The following NELL2 variants were observed in gnomAD, a reference collection of about 807,000 sequenced individuals.
NELL2 encodes the protein protein kinase C-binding protein NELL2.
NELL2 carries 41 observed loss-of-function variants against 109.6 expected under a neutral mutation model. The ratio of observed to expected loss-of-function variants is 0.37; its 90% CI spans 0.29 to 0.49. The LOEUF (loss-of-function observed/expected upper bound fraction) is 0.49. Among genes scored for constraint, NELL2 ranks in the 20% least tolerant of loss-of-function variants. The pLI is 0.98. For missense variants in NELL2, 900 were observed against 1,008.3 expected, an observed-to-expected ratio of 0.89 and a Z score of 1.45; for synonymous variants, 355 against 344.7, an observed-to-expected ratio of 1.03 and a Z score of -0.33.
intron 2 of NELL2, among the ~76,000 whole-genome samples, chr12:44,834,274 A>C (rs1202117677): frequency 6.6e-6 from 1 of 152,024 alleles, no homozygotes; most frequent in African/African-American, 2.4e-5. Flanking sequence ...CACATACTCT[A>C]ATTTTGTTTT....
chr12:44,525,695 C>A (rs574073209), intron 16 of NELL2, among the ~76,000 whole-genome samples: 1 of 152,128 alleles, frequency 6.6e-6, no homozygotes, highest in Non-Finnish European at 1.5e-5. Context: ...CTTTAGTGAG[C>A]GATTATTGAA....
At chr12:44,522,390 T>C (rs1374845762) in intron 17 of NELL2, among the ~76,000 whole-genome samples, 1 of 152,148 alleles carries the variant, frequency 6.6e-6, no homozygotes, top group Non-Finnish European at 1.5e-5. Context: ...TTCCACATAC[T>C]ACTCCTCAAA....
At chr12:44,793,623 T>G (rs1445801855) in intron 3 of NELL2, among the ~76,000 whole-genome samples, 1 of 152,196 alleles carries the variant, frequency 6.6e-6, no homozygotes, top group Non-Finnish European at 1.5e-5. Flanking sequence ...GTTAAATTAC[T>G]TCAGCAAAAG....
intron 9 of NELL2, among the ~76,000 whole-genome samples, chr12:44,725,568 G>A (rs1399388493): frequency 6.6e-6 from 1 of 152,124 alleles, no homozygotes; most frequent in Non-Finnish European, 1.5e-5. Flanking sequence ...GTTCACTGCA[G>A]CACTATTCAC....
At chr12:44,596,100 T>C (rs1035742743) in intron 15 of NELL2, among the ~76,000 whole-genome samples, 11 of 152,212 alleles carry the variant, frequency 7.2e-5, no homozygotes, top group African/African-American at 2.7e-4. Context: ...TTCTCTGTCA[T>C]TGAGATAAAA....
intron 11 of NELL2, among the ~76,000 whole-genome samples, chr12:44,709,250 A>C (rs112840623): frequency 2.6e-5 from 4 of 152,140 alleles, no homozygotes; most frequent in Admixed American, 2.6e-4. Context: ...GACCAATTGC[A>C]TATGATAGAA....
intron 9 of NELL2, among the ~76,000 whole-genome samples, chr12:44,723,968 T>C (rs1385623438): frequency 6.6e-6 from 1 of 151,998 alleles, no homozygotes; most frequent in Non-Finnish European, 1.5e-5. Context: ...CTATTCACGA[T>C]AGCAAGGACA....
upstream of NELL2, among the ~76,000 whole-genome samples, chr12:44,917,045 C>T (rs1277346344): frequency 1.3e-5 from 2 of 152,018 alleles, no homozygotes; most frequent in Non-Finnish European, 2.9e-5. Context: ...AGCAACTGGC[C>T]CTATCCCACA....
intron 15 of NELL2, among the ~76,000 whole-genome samples, chr12:44,581,626 G>T (rs1944325554): frequency 6.9e-6 from 1 of 145,592 alleles, no homozygotes; most frequent in Admixed American, 6.7e-5. Context: ...TATATAGGTT[G>T]GTTAAAAGAA....
chr12:44,907,218 G>A (rs979868083), intron 1 of NELL2, among the ~76,000 whole-genome samples: 14 of 152,098 alleles, frequency 9.2e-5, no homozygotes, highest in Non-Finnish European at 1.8e-4. Context: ...ACCCAGTCTC[G>A]GGTATTTCTT....
At chr12:44,584,056 G>A (rs1245286314) in intron 15 of NELL2, among the ~76,000 whole-genome samples, 1 of 152,198 alleles carries the variant, frequency 6.6e-6, no homozygotes, top group Non-Finnish European at 1.5e-5. Context: ...TTACAGGCGT[G>A]AGCAACAGCG....
At position 44,685,464 on chromosome 12, in the gene NELL2, T is replaced by C. The variant is rs138716889; in HGVS notation, c.1318+18262A>G. Among the ~76,000 whole-genome samples, 391 of 152,264 alleles carry C rather than the reference T, an allele frequency of 2.6e-3. 3 individuals carry two copies. The highest frequency in any genetic ancestry group is 8.5e-3 in the African/African-American group (354 of 41,534). On this transcript the variant is annotated intron_variant, in intron 12 of 19. Coordinates refer to ENST00000429094, the MANE Select transcript of NELL2 (RefSeq NM_001145108.2). ...GAATTTGATCCAGTCATTATGATAT[T>C]AGCTGGTTATTTTGCTCGCTAGTTG... is the stretch of plus-strand genomic sequence containing the variant.
chr12:44,799,630 C>T (rs1415414426), intron 3 of NELL2, among the ~76,000 whole-genome samples: 1 of 151,918 alleles, frequency 6.6e-6, no homozygotes, highest in Non-Finnish European at 1.5e-5. Flanking sequence ...GAATACAGAT[C>T]AGTATATTAG....
At chr12:44,533,030 G>T (rs1484541627) in intron 15 of NELL2, among the ~76,000 whole-genome samples, 1 of 152,172 alleles carries the variant, frequency 6.6e-6, no homozygotes, top group Non-Finnish European at 1.5e-5. Flanking sequence ...CACAAGCTAG[G>T]ATTATGATTC....
intron 3 of NELL2, among the ~76,000 whole-genome samples, chr12:44,789,554 A>G (rs1007796147): frequency 6.6e-6 from 1 of 152,128 alleles, no homozygotes; most frequent in Non-Finnish European, 1.5e-5. Flanking sequence ...GTAACATGAG[A>G]AAATAGGGCT....
At chr12:44,654,859 C>T (rs1042508411) in intron 13 of NELL2, among the ~76,000 whole-genome samples, 1 of 152,112 alleles carries the variant, frequency 6.6e-6, no homozygotes, top group Non-Finnish European at 1.5e-5. Flanking sequence ...AATGGGAAGA[C>T]GAACTCTGCT....
chr12:44,565,396 A>C (rs535624766), intron 15 of NELL2, among the ~76,000 whole-genome samples: 1 of 152,340 alleles, frequency 6.6e-6, no homozygotes, highest in South Asian at 2.1e-4. Context: ...TGGAATGTTA[A>C]AATGTGAAAT....
intron 12 of NELL2, among the ~76,000 whole-genome samples, chr12:44,684,055 T>C (rs1222765353): frequency 1.3e-5 from 2 of 152,308 alleles, no homozygotes; most frequent in Admixed American, 1.3e-4. Flanking sequence ...GGTCCTGGAC[T>C]CTTTGGTTGG....
At chr12:44,607,093 A>T (rs1945435105) in intron 15 of NELL2, 76 bp downstream of exon 15, 4 of 1,282,824 alleles carry the variant, frequency 3.1e-6, no homozygotes, top group Non-Finnish European at 3.3e-6. Flanking sequence ...GAAACTTGAA[A>T]CATTATTTTC....
Sources: gnomAD v4.1 joint callset for allele counts (sites outside exome capture counted in the v4.1 genomes callset) on GRCh38, gnomAD v4.1.1 for gene constraint, MANE v1.5 for transcripts, NCBI Gene and HGNC (gene_info 2026-07-23, HGNC 2026-07-21) for gene names.